Variants in TNFSF11 observed in about 807,000 individuals in gnomAD.
The protein encoded by TNFSF11 is TNF superfamily member 11, also known as tumor necrosis factor ligand superfamily member 11.
In TNFSF11, 12 loss-of-function variants were observed where a neutral mutation model predicts 32.2. The observed-to-expected ratio is 0.37, with a 90% CI of 0.24 to 0.60. The LOEUF is 0.60. Ranked by LOEUF, TNFSF11 falls within the 20% of genes least tolerant of loss-of-function variation. The pLI, the probability that TNFSF11 is intolerant of heterozygous loss-of-function variation, is 0.66. For synonymous variants in TNFSF11, 172 were observed against 152.1 expected (o/e 1.13, Z -0.96); for missense variants, 345 against 398.0 (o/e 0.87, Z 1.13).
intron 2 of TNFSF11, among the ~76,000 whole-genome samples, chr13:42,593,917 G>T (rs1868639221): frequency 6.6e-6 from 1 of 152,102 alleles, no homozygotes; most frequent in African/African-American, 2.4e-5. Flanking sequence ...CTTCTTCTGT[G>T]CTCTGATTGA....
intron 4 of TNFSF11, among the ~76,000 whole-genome samples, chr13:42,606,044 C>T (rs1869433234): frequency 6.6e-6 from 1 of 152,172 alleles, no homozygotes; most frequent in Non-Finnish European, 1.5e-5. Context: ...CTGGAATGAC[C>T]TTTCTGCTCC....
chr13:42,568,572 T>C (rs1872948674), intron 2 of TNFSF11, among the ~76,000 whole-genome samples: 1 of 152,166 alleles, frequency 6.6e-6, no homozygotes, highest in Non-Finnish European at 1.5e-5. Context: ...TAAAGGGTAA[T>C]GGGTAAGCTG....
chr13:42,588,888 C>A, intron 2 of TNFSF11, among the ~76,000 whole-genome samples: 1 of 152,124 alleles, frequency 6.6e-6, no homozygotes, highest in Non-Finnish European at 1.5e-5. Flanking sequence ...TTGTCAAGAG[C>A]TGTCTGTTTC....
chr13:42,600,713 T>C (rs200259365), intron 2 of TNFSF11, 39 bp from the exon 3 acceptor site: 72 of 1,568,472 alleles, frequency 4.6e-5, no homozygotes, highest in Non-Finnish European at 5.8e-5. Flanking sequence ...ACAGAAAGAA[T>C]GATTTTATAA....
upstream of TNFSF11, among the ~76,000 whole-genome samples, chr13:42,573,438 T>G (rs1873141842): frequency 6.6e-6 from 1 of 152,254 alleles, no homozygotes; most frequent in Non-Finnish European, 1.5e-5. Flanking sequence ...TTTAACTGTA[T>G]CATCAGCTTC....
chr13:42,570,983 T>C (rs1489781255), upstream of TNFSF11, among the ~76,000 whole-genome samples: 1 of 152,120 alleles, frequency 6.6e-6, no homozygotes, highest in Non-Finnish European at 1.5e-5. Flanking sequence ...TGTGTGATGA[T>C]TTGTTGAATC....
chr13:42,565,077 T>C (rs140919907), intron 1 of TNFSF11, among the ~76,000 whole-genome samples: 20 of 152,340 alleles, frequency 1.3e-4, no homozygotes, highest in African/African-American at 3.6e-4. Flanking sequence ...ACACTACACC[T>C]ATCTGTGTTT....
At position 42,582,377 on chromosome 13, in the gene TNFSF11, G is replaced by A. The variant is rs565343452; in HGVS notation, c.387+1084G>A. On this transcript the variant is annotated intron_variant, in intron 2 of 4. Coordinates refer to ENST00000398795, the MANE Select transcript of TNFSF11 (RefSeq NM_003701.4). ...ATAAAGCCAGCTAATGAAGGTAAAC[G>A]TCTGTAACACCCTGATAGTTGAGAT... Among the ~76,000 whole-genome samples, 33 of 152,258 alleles carry A rather than the reference G, an allele frequency of 2.2e-4. No homozygotes were observed. The South Asian group carries it at 3.1e-3, about 14-fold the overall frequency.
intron 2 of TNFSF11, 93 bp downstream of exon 2, chr13:42,581,386 T>C: frequency 7.4e-7 from 1 of 1,352,986 alleles, no homozygotes; most frequent in East Asian, 2.4e-5. Flanking sequence ...GACTCTGCTC[T>C]TTTTATTCTA....
At chr13:42,598,761 A>G (rs1868962289) in intron 2 of TNFSF11, among the ~76,000 whole-genome samples, 1 of 152,252 alleles carries the variant, frequency 6.6e-6, no homozygotes, top group African/African-American at 2.4e-5. Context: ...CAGCTTAATA[A>G]TGAAATTTTC....
In TNFSF11 at chr13:42,606,966, T is replaced by C. The variant is rs7994018; in HGVS notation, c.*48T>C. The C allele has an allele frequency of 5.2e-3, 8,363 of 1,612,198 alleles. 351 individuals carry two copies. In the African/African-American group the frequency reaches 0.095, roughly 18 times the overall value. On this transcript the variant is annotated 3_prime_UTR_variant, in exon 5 of 5. Transcript: ENST00000398795. ...GTATTTCCTGGATGTTTGGAAACAT[T>C]TTTTAAAACAAGCCAAGAAAGATGT... is the stretch of plus-strand genomic sequence containing the variant.
chr13:42,606,295 C>T (rs905682184), intron 4 of TNFSF11, among the ~76,000 whole-genome samples: 5 of 152,192 alleles, frequency 3.3e-5, no homozygotes, highest in Non-Finnish European at 4.4e-5. Context: ...TTTTTGTCTT[C>T]GTAGCCTCTA....
At chr13:42,574,589 C>T in intron 1 of TNFSF11, 67 bp downstream of exon 1, 1 of 1,552,796 alleles carries the variant, frequency 6.4e-7, no homozygotes, top group South Asian at 1.2e-5. Context: ...CACTTGGAAA[C>T]TGAGTCTGGC....
In TNFSF11 at chr13:42,607,456, G is replaced by A. The variant is rs1869526891; in HGVS notation, c.*538G>A. ...TATTGTAAATTATATTTGTGCTATA[G>A]TATTTGATTCAAAATATTTAAAAAT... On this transcript the variant is annotated 3_prime_UTR_variant, in exon 5 of 5. Transcript: ENST00000398795. The A allele has an allele frequency of 6.5e-6, 1 of 152,772 alleles. No homozygotes were observed. Among genetic ancestry groups the A allele is most frequent in the Non-Finnish European group, 1.5e-5 (1 of 68,136 alleles). The allele number at this position is 152,772 out of a possible 1,614,324, so 9.5% of individuals were successfully genotyped here. A position where few individuals can be genotyped will look rare whatever the true frequency, so the allele number is the denominator to read the frequency against.
At chr13:42,594,341 C>T (rs544262871) in intron 2 of TNFSF11, among the ~76,000 whole-genome samples, 2 of 151,642 alleles carry the variant, frequency 1.3e-5, no homozygotes, top group Admixed American at 6.6e-5. Context: ...CCTCAGCCTC[C>T]GAAAGTGCTG....
intron 1 of TNFSF11, among the ~76,000 whole-genome samples, chr13:42,575,351 A>G (rs918279155): frequency 7.9e-5 from 12 of 152,194 alleles, no homozygotes; most frequent in Admixed American, 6.5e-5. Flanking sequence ...TTGTAATATT[A>G]TGCTTTCTGG....
chr13:42,583,444 G>GAAA (rs71202227), intron 2 of TNFSF11, among the ~76,000 whole-genome samples: 68 of 95,526 alleles, frequency 7.1e-4, no homozygotes, highest in East Asian at 1.2e-3. Context: ...AAAAAGAAAG[G>GAAA]AAGAAAGGAA....
At chr13:42,592,888 G>A (rs1246679936) in intron 2 of TNFSF11, among the ~76,000 whole-genome samples, 3 of 152,152 alleles carry the variant, frequency 2.0e-5, no homozygotes. Context: ...ACCCTGTGAT[G>A]AAGGTGCCTG....
upstream of TNFSF11, among the ~76,000 whole-genome samples, chr13:42,573,709 G>A (rs865993955): frequency 6.6e-6 from 1 of 152,122 alleles, no homozygotes; most frequent in South Asian, 2.1e-4. Flanking sequence ...GAAGCACTTT[G>A]GGGGGAGAGG....
Sources: allele counts gnomAD v4.1 joint callset (sites outside exome capture counted in the v4.1 genomes callset), GRCh38; gene constraint gnomAD v4.1.1; transcripts MANE v1.5; gene names NCBI Gene and HGNC (gene_info 2026-07-23, HGNC 2026-07-21).